Variants in ERICH6 observed in about 807,000 individuals in gnomAD.
ERICH6 encodes glutamate-rich protein 6.
A neutral mutation model predicts 71.0 loss-of-function variants in ERICH6; 71 were observed. That is an observed-to-expected ratio of 1.00 (90% CI 0.83 to 1.22). The LOEUF (loss-of-function observed/expected upper bound fraction) is 1.22. Among genes scored for constraint, ERICH6 ranks in the 50% most tolerant of loss-of-function variants. The pLI, the probability that ERICH6 is intolerant of heterozygous loss-of-function variation, is 0.00. For synonymous variants in ERICH6, 262 were observed against 278.4 expected (o/e 0.94, Z 0.59); for missense variants, 808 against 797.2 (o/e 1.01, Z -0.16).
chr3:150,664,551 GC>G (rs1214652228), intron 13 of ERICH6, among the ~76,000 whole-genome samples: 1 of 151,790 alleles, frequency 6.6e-6, no homozygotes, highest in Non-Finnish European at 1.5e-5. Context: ...GGAGGCTGAG[GC>G]ATGAGAATCG....
At chr3:150,703,223 C>CT (rs1157039053) in intron 1 of ERICH6, among the ~76,000 whole-genome samples, 1 of 149,112 alleles carries the variant, frequency 6.7e-6, no homozygotes, top group African/African-American at 2.5e-5. Flanking sequence ...AGACTCTTGT[C>CT]TAAAAAAAAA....
chr3:150,680,599 A>G (rs566416766), intron 8 of ERICH6, 61 bp from the exon 9 acceptor site: 2 of 1,597,092 alleles, frequency 1.3e-6, no homozygotes, highest in African/African-American at 1.3e-5. Flanking sequence ...AAAACAGTCT[A>G]CTACAAAATT....
At chr3:150,681,414 G>A (rs1171234355) in intron 7 of ERICH6, among the ~76,000 whole-genome samples, 1 of 152,162 alleles carries the variant, frequency 6.6e-6, no homozygotes, top group Non-Finnish European at 1.5e-5. Flanking sequence ...TTCGTGGTAT[G>A]GATATACCAC....
At chr3:150,666,246 A>T (rs1051594200) in intron 13 of ERICH6, among the ~76,000 whole-genome samples, 12 of 152,178 alleles carry the variant, frequency 7.9e-5, no homozygotes, top group African/African-American at 2.7e-4. Context: ...CAAGATAGAG[A>T]TTCTTCCTGT....
chr3:150,677,620 C>A (rs558117198), intron 10 of ERICH6, among the ~76,000 whole-genome samples: 7 of 152,014 alleles, frequency 4.6e-5, no homozygotes, highest in Non-Finnish European at 7.4e-5. Context: ...CTCAGCCCCC[C>A]CAAGTGGCTG....
intron 2 of ERICH6, among the ~76,000 whole-genome samples, chr3:150,699,443 C>T (rs999504599): frequency 6.6e-6 from 1 of 152,122 alleles, no homozygotes; most frequent in Non-Finnish European, 1.5e-5. Context: ...TCTAACATGC[C>T]CCACCCATCT....
At chr3:150,665,623 T>C (rs1727384370) in intron 13 of ERICH6, among the ~76,000 whole-genome samples, 1 of 151,100 alleles carries the variant, frequency 6.6e-6, no homozygotes, top group African/African-American at 2.4e-5. Context: ...GGTCAGGAGT[T>C]CGAGACCAGC....
chr3:150,675,656 C>T (rs1711621560), intron 10 of ERICH6, among the ~76,000 whole-genome samples: 3 of 151,848 alleles, frequency 2.0e-5, no homozygotes, highest in African/African-American at 7.3e-5. Flanking sequence ...ACCTAGCTTA[C>T]ACTTTCTTGA....
chr3:150,682,080 G>A, intron 7 of ERICH6, 138 bp downstream of exon 7: 2 of 715,050 alleles, frequency 2.8e-6, no homozygotes. Flanking sequence ...CTCCCGAAGT[G>A]CTAGGATTAC....
chr3:150,703,185 A>G lies in ERICH6; in HGVS notation c.403+311T>C, dbSNP rs1432996001. Among the ~76,000 whole-genome samples the G allele has an allele frequency of 3.3e-5, 5 of 151,976 alleles. No homozygotes were observed. In the East Asian group the frequency reaches 7.7e-4, roughly 24 times the overall value. ...AGCCCAGGAGGTCGAGGCTGCAGCC[A>G]CTGCACTCCAGCCTGGGCGACAGAG... On this transcript the variant is annotated intron_variant, in intron 1 of 13. Coordinates refer to ENST00000295910, the MANE Select transcript of ERICH6 (RefSeq NM_152394.5).
intron 2 of ERICH6, 130 bp downstream of exon 2, chr3:150,701,991 T>TA (rs981545109): frequency 9.9e-5 from 64 of 644,546 alleles, no homozygotes; most frequent in Admixed American, 2.9e-4. Flanking sequence ...AGTGTATATT[T>TA]AAAAAAAACT....
intron 10 of ERICH6, 70 bp downstream of exon 10, chr3:150,678,339 A>G (rs1711740581): frequency 6.9e-7 from 1 of 1,445,220 alleles, no homozygotes; most frequent in Non-Finnish European, 9.2e-7. Context: ...AGCTTCATGA[A>G]AGACTTTATA....
Position 150,669,296 on chromosome 3 carries a change from C to A in ERICH6, c.1499G>T (p.Trp500Leu). The change falls in exon 12 of 14, where the codon TGG becomes TTG. Residue 500 changes from tryptophan to leucine, a missense_variant and splice_region_variant. Coordinates refer to ENST00000295910, the MANE Select transcript of ERICH6 (RefSeq NM_152394.5). Reference protein sequence around the residue: ...SSCYHPNGNVWVYINILGGQY... With the variant: ...SSCYHPNGNVLVYINILGGQY... ...CAGCAGCAGGAACCTAGAAGCTTAC[C>A]AGACATTTCCATTGGGATGATAGCA... 6.3e-7 allele frequency: 1 copy of A among 1,594,870 alleles called. No individual in the cohort carries two copies. Among genetic ancestry groups the A allele is most frequent in the Admixed American group, 1.8e-5 (1 of 55,154 alleles).
intron 6 of ERICH6, among the ~76,000 whole-genome samples, 163 bp downstream of exon 6, chr3:150,685,579 A>T (rs772415457): frequency 6.6e-6 from 1 of 151,190 alleles, no homozygotes; most frequent in Non-Finnish European, 1.5e-5. Flanking sequence ...TAGCAGCCCT[A>T]GGCAACTAAC....
intron 3 of ERICH6, among the ~76,000 whole-genome samples, chr3:150,690,405 GAA>G (rs34766940): frequency 5.5e-5 from 8 of 145,324 alleles, no homozygotes; most frequent in African/African-American, 1.0e-4. Context: ...CTAAGATAGG[GAA>G]AAAAAAAAAG....
At chr3:150,678,372 T>G in intron 10 of ERICH6, 37 bp downstream of exon 10, 2 of 1,529,784 alleles carry the variant, frequency 1.3e-6, no homozygotes, top group Non-Finnish European at 1.7e-6. Flanking sequence ...ACTGGTTTTT[T>G]TTAAAATAGC....
At chr3:150,664,176 A>T (rs1463565952) in intron 13 of ERICH6, among the ~76,000 whole-genome samples, 3 of 152,132 alleles carry the variant, frequency 2.0e-5, no homozygotes, top group African/African-American at 7.2e-5. Context: ...ATCAGTGTTT[A>T]ATGCCACTGA....
At chr3:150,684,050 C>T (rs1712081086) in intron 6 of ERICH6, among the ~76,000 whole-genome samples, 1 of 152,146 alleles carries the variant, frequency 6.6e-6, no homozygotes, top group Non-Finnish European at 1.5e-5. Context: ...TCCCTAGATA[C>T]AAGCCTTTGT....
chr3:150,677,354 G>A (rs946562390), intron 10 of ERICH6, among the ~76,000 whole-genome samples: 1 of 151,820 alleles, frequency 6.6e-6, no homozygotes, highest in Admixed American at 6.6e-5. Flanking sequence ...TTACATACAC[G>A]GATATTTAAG....
Sources: allele counts gnomAD v4.1 joint callset (sites outside exome capture counted in the v4.1 genomes callset), GRCh38; gene constraint gnomAD v4.1.1; transcripts MANE v1.5; gene names NCBI Gene and HGNC (gene_info 2026-07-23, HGNC 2026-07-21).